ABCA13: variants seen among roughly 807,000 people sequenced by gnomAD.
The protein encoded by ABCA13 is ATP binding cassette subfamily A member 13.
Under a neutral mutation model 478.7 loss-of-function variants are expected in ABCA13, and 476 were observed. That is an observed-to-expected ratio of 0.99 (90% CI 0.92 to 1.07). ABCA13 has a LOEUF of 1.07. Among genes scored for constraint, ABCA13 ranks in the 50% least tolerant of loss-of-function variants. ABCA13 has a pLI of 0.00. For synonymous variants in ABCA13, 2,252 were observed against 2,158.9 expected (o/e 1.04, Z -1.20); for missense variants, 6,060 against 5,910.6 (o/e 1.03, Z -0.83).
rs370816620 is a variant in ABCA13 at position 48,507,939 on chromosome 7, T to C, written c.13414T>C (p.Ser4472Pro). 3.7e-5 allele frequency: 60 copies of C among 1,613,610 alleles called. No homozygotes were observed. In the African/African-American group the frequency reaches 6.1e-4, roughly 16 times the overall value. The change falls in exon 50 of 62, where the codon TCC (serine) becomes CCC (proline). Residue 4472 changes from serine (S) to proline (P), a missense_variant. This residue lies in a region of ABCA13 where 1,627 missense variants were observed against 1,571.0 expected (regional missense o/e 1.04). Coordinates refer to ENST00000435803, the MANE Select transcript of ABCA13 (RefSeq NM_152701.5). ...GCTGGGATTCTCCATCCTGTCTGCA[T>C]CCATCGGCAGCTCTGTGGTGAGGGA... ...IVLGFSILSA[S>P]IGSSVVRDRV...
intron 55 of ABCA13, among the ~76,000 whole-genome samples, chr7:48,559,405 T>C (rs1786210751): frequency 6.6e-6 from 1 of 152,158 alleles, no homozygotes; most frequent in Admixed American, 6.5e-5. Context: ...GGCCTGTGAC[T>C]CACCCTTCAA....
intron 47 of ABCA13, among the ~76,000 whole-genome samples, chr7:48,483,641 C>A (rs1488461963): frequency 6.6e-6 from 1 of 152,132 alleles, no homozygotes; most frequent in South Asian, 2.1e-4. Flanking sequence ...TAGGAATGGT[C>A]CCCTTAGAAT....
chr7:48,347,649 T>C (rs1419178036), intron 29 of ABCA13, among the ~76,000 whole-genome samples: 1 of 152,130 alleles, frequency 6.6e-6, no homozygotes, highest in Non-Finnish European at 1.5e-5. Context: ...GGATGCTGAG[T>C]GTTTCATTTT....
intron 14 of ABCA13, among the ~76,000 whole-genome samples, chr7:48,248,992 G>A (rs1244650274): frequency 6.6e-6 from 1 of 151,530 alleles, no homozygotes; most frequent in African/African-American, 2.4e-5. Context: ...TATATTTTAT[G>A]TATTCTCATA....
chr7:48,485,420 C>G (rs1374598294), intron 47 of ABCA13, among the ~76,000 whole-genome samples: 2 of 151,422 alleles, frequency 1.3e-5, no homozygotes, highest in African/African-American at 2.4e-5. Context: ...CAGAACACAG[C>G]CTAGTTTTAG....
In ABCA13 at chr7:48,271,942, G is replaced by A. The variant is rs768040728; in HGVS notation, c.2276G>A (p.Ser759Asn). The stretch of plus-strand genomic sequence containing the variant: ...TCCTCCATTGTTCCCAGTTTCCACA[G>A]CCTCCCATCTCTCACAGAGGATATT... The part of the protein sequence containing the change: ...FDSSIVPSFH[S>N]LPSLTEDILN... The change falls in exon 17 of 62, where the codon AGC becomes AAC. Residue 759 changes from serine to asparagine, a missense_variant. This residue lies in a region of ABCA13 where 4,423 missense variants were observed against 4,309.1 expected (regional missense o/e 1.03). Coordinates refer to ENST00000435803, the MANE Select transcript of ABCA13 (RefSeq NM_152701.5). 4 of 1,613,524 alleles carry A rather than the reference G, an allele frequency of 2.5e-6. No individual in the cohort carries two copies. Among genetic ancestry groups the A allele is most frequent in the Admixed American group, 1.7e-5 (1 of 59,972 alleles).
intron 45 of ABCA13, among the ~76,000 whole-genome samples, chr7:48,474,860 G>A (rs904712792): frequency 1.6e-4 from 24 of 151,928 alleles, no homozygotes; most frequent in Non-Finnish European, 3.4e-4. Context: ...GATTAGAGTG[G>A]GTAAATATCA....
intron 57 of ABCA13, among the ~76,000 whole-genome samples, chr7:48,593,026 C>CT (rs1263661986): frequency 6.6e-6 from 1 of 151,968 alleles, no homozygotes; most frequent in East Asian, 1.9e-4. Flanking sequence ...CATTCATTCA[C>CT]TTTATGCCTT....
At chr7:48,519,972 T>G (rs1299906312) in intron 52 of ABCA13, 69 bp from the exon 53 acceptor site, 1 of 1,432,916 alleles carries the variant, frequency 7.0e-7, no homozygotes, top group African/African-American at 1.4e-5. Flanking sequence ...GAAAAAGAAG[T>G]TATTGGTATA....
In ABCA13 at chr7:48,245,571, T is replaced by C. The variant is rs755480024; in HGVS notation, c.1450T>C (p.Leu484=). The C allele has an allele frequency of 5.0e-6, 8 of 1,613,170 alleles. No homozygotes were observed. The highest frequency in any genetic ancestry group is 2.2e-5 in the South Asian group (2 of 90,772). ...NDFKWFELNQ[L]KLEKDVFFWE... Reference sequence around the variant, plus strand: ...TTTTAAATGGTTTGAACTTAACCAATTGAAACTGGAAAAGGATGTGTTCTT... The same window carrying C: ...TTTTAAATGGTTTGAACTTAACCAACTGAAACTGGAAAAGGATGTGTTCTT... The change falls in exon 12 of 62, where the codon TTG becomes CTG. Residue 484 remains leucine (L), a synonymous_variant. Transcript: ENST00000435803.
intron 35 of ABCA13, among the ~76,000 whole-genome samples, chr7:48,384,640 TTCCTACAGAG>T (rs1308840372): frequency 3.9e-5 from 6 of 152,236 alleles, no homozygotes; most frequent in Admixed American, 6.5e-5. Context: ...ACTCATCCTC[TTCCTACAGAG>T]GGATGGTTTT....
At chr7:48,491,631 C>T (rs1045140792) in intron 48 of ABCA13, among the ~76,000 whole-genome samples, 1 of 152,116 alleles carries the variant, frequency 6.6e-6, no homozygotes, top group African/African-American at 2.4e-5. Context: ...CTTGTTGATG[C>T]ATCATCATGG....
intron 1 of ABCA13, among the ~76,000 whole-genome samples, chr7:48,189,491 C>T (rs1391694631): frequency 6.6e-6 from 1 of 152,116 alleles, no homozygotes; most frequent in African/African-American, 2.4e-5. Flanking sequence ...GGTCAGTGAC[C>T]ACCTTGTAAA....
chr7:48,251,622 G>C (rs1457606766), intron 15 of ABCA13, among the ~76,000 whole-genome samples: 3 of 151,712 alleles, frequency 2.0e-5, no homozygotes, highest in African/African-American at 4.8e-5. Flanking sequence ...AATATAACTA[G>C]TCTTATTAAG....
intron 30 of ABCA13, among the ~76,000 whole-genome samples, 169 bp downstream of exon 30, chr7:48,350,988 T>C (rs1302911936): frequency 6.6e-6 from 1 of 152,178 alleles, no homozygotes; most frequent in African/African-American, 2.4e-5. Flanking sequence ...AAACATAAAA[T>C]GAAGCAGAAA....
intron 55 of ABCA13, among the ~76,000 whole-genome samples, chr7:48,537,550 G>A (rs1343093668): frequency 1.3e-5 from 2 of 152,140 alleles, no homozygotes; most frequent in Non-Finnish European, 2.9e-5. Flanking sequence ...CCCTACTGCT[G>A]TGTCATTCCC....
chr7:48,352,991 A>G (rs1359216941), intron 31 of ABCA13, among the ~76,000 whole-genome samples: 3 of 151,998 alleles, frequency 2.0e-5, no homozygotes, highest in Non-Finnish European at 4.4e-5. Context: ...TGACATCTAT[A>G]GGAAGAGGGG....
At chr7:48,295,891 C>G (rs1176178688) in intron 21 of ABCA13, 28 bp downstream of exon 21, 4 of 1,569,516 alleles carry the variant, frequency 2.5e-6, no homozygotes, top group Non-Finnish European at 3.5e-6. Flanking sequence ...TTCATGCCCT[C>G]CCCAGTACTT....
chr7:48,254,343 A>G (rs1793058560), intron 15 of ABCA13, among the ~76,000 whole-genome samples: 1 of 152,092 alleles, frequency 6.6e-6, no homozygotes, highest in Non-Finnish European at 1.5e-5. Context: ...AGCTCACTGT[A>G]GCCTCGAATT....
Sources: allele counts gnomAD v4.1 joint callset (sites outside exome capture counted in the v4.1 genomes callset), GRCh38; gene constraint gnomAD v4.1.1; regional missense constraint gnomAD v4.1.1; transcripts MANE v1.5; gene names NCBI Gene and HGNC (gene_info 2026-07-23, HGNC 2026-07-21).